DLG2: variants seen among roughly 807,000 people sequenced by gnomAD.
The protein encoded by DLG2 is disks large homolog 2.
A neutral mutation model predicts 132.5 loss-of-function variants in DLG2; 45 were observed. The observed-to-expected ratio is 0.34, with a 90% CI of 0.27 to 0.44. The LOEUF (loss-of-function observed/expected upper bound fraction) is 0.44. DLG2 is among the 20% of genes least tolerant of loss of function. DLG2 has a pLI of 1.00. For missense variants in DLG2, 1,045 were observed against 1,196.9 expected (o/e 0.87, Z 1.87); for synonymous variants, 424 against 419.6 (o/e 1.01, Z -0.13).
intron 15 of DLG2, among the ~76,000 whole-genome samples, chr11:83,893,023 G>A (rs2070430276): frequency 6.6e-6 from 1 of 152,098 alleles, no homozygotes; most frequent in Non-Finnish European, 1.5e-5. Context: ...CGCTCACTGA[G>A]TTCAGTTGAA....
chr11:84,989,042 C>T (rs2056811878), intron 6 of DLG2, among the ~76,000 whole-genome samples: 1 of 151,914 alleles, frequency 6.6e-6, no homozygotes, highest in African/African-American at 2.4e-5. Flanking sequence ...ATTAGAACTC[C>T]ACATATTAGC....
At chr11:84,755,433 G>GT (rs11290517) in intron 6 of DLG2, among the ~76,000 whole-genome samples, 1 of 152,048 alleles carries the variant, frequency 6.6e-6, no homozygotes. Context: ...TTTTTGTTTT[G>GT]TTTTTTTTGA....
At chr11:84,993,930 A>T (rs1592355980) in intron 6 of DLG2, among the ~76,000 whole-genome samples, 2 of 152,132 alleles carry the variant, frequency 1.3e-5, no homozygotes, top group African/African-American at 4.8e-5. Flanking sequence ...TAGTGCCCCC[A>T]TGAAAGGAGC....
At chr11:85,424,148 A>G (rs1017635596) in intron 3 of DLG2, among the ~76,000 whole-genome samples, 1 of 152,180 alleles carries the variant, frequency 6.6e-6, no homozygotes, top group South Asian at 2.1e-4. Flanking sequence ...GCTCCAGGTA[A>G]GGTCAATATC....
intron 3 of DLG2, among the ~76,000 whole-genome samples, chr11:85,335,401 T>G (rs528684679): frequency 6.6e-6 from 1 of 152,188 alleles, no homozygotes; most frequent in Non-Finnish European, 1.5e-5. Context: ...ATTGGGGCAT[T>G]TAGCCCATTT....
chr11:83,486,526 T>C (rs1182707691), intron 21 of DLG2, among the ~76,000 whole-genome samples: 2 of 152,064 alleles, frequency 1.3e-5, no homozygotes, highest in African/African-American at 2.4e-5. Context: ...AATATGAAAA[T>C]GTGTTATCTG....
chr11:83,720,016 G>A (rs1045764046), intron 18 of DLG2, among the ~76,000 whole-genome samples: 2 of 151,846 alleles, frequency 1.3e-5, no homozygotes, highest in Non-Finnish European at 2.9e-5. Flanking sequence ...CTTTCAGCCG[G>A]GCGCAGTGGC....
intron 5 of DLG2, among the ~76,000 whole-genome samples, chr11:85,146,155 C>T (rs928771474): frequency 6.6e-6 from 1 of 151,668 alleles, no homozygotes; most frequent in African/African-American, 2.4e-5. Flanking sequence ...GATTACTGGG[C>T]AGCAGTCTCT....
chr11:85,252,206 CTG>C (rs1442325858), intron 4 of DLG2, among the ~76,000 whole-genome samples: 1 of 152,164 alleles, frequency 6.6e-6, no homozygotes, highest in Non-Finnish European at 1.5e-5. Context: ...GTTTTGCACT[CTG>C]TGATATCAGA....
chr11:85,542,383 C>T (rs1482231189), intron 3 of DLG2, among the ~76,000 whole-genome samples: 1 of 152,106 alleles, frequency 6.6e-6, no homozygotes, highest in Non-Finnish European at 1.5e-5. Flanking sequence ...GATATTATAC[C>T]TATGCATTTG....
chr11:84,733,227 C>T (rs1388276724), intron 6 of DLG2, among the ~76,000 whole-genome samples: 1 of 152,182 alleles, frequency 6.6e-6, no homozygotes, highest in South Asian at 2.1e-4. Flanking sequence ...CTGACTTCCA[C>T]AATGGTTGAA....
chr11:84,042,908 A>G (rs1394554365), intron 11 of DLG2, among the ~76,000 whole-genome samples: 2 of 151,752 alleles, frequency 1.3e-5, no homozygotes, highest in East Asian at 3.9e-4. Context: ...AGGGAGAGCA[A>G]CAGGAAAAAG....
At chr11:84,453,211 TG>T (rs1278072681) in intron 7 of DLG2, among the ~76,000 whole-genome samples, 1 of 151,616 alleles carries the variant, frequency 6.6e-6, no homozygotes, top group African/African-American at 2.4e-5. Flanking sequence ...AAAATAGAAA[TG>T]GTATGTAAAG....
At position 84,391,454 on chromosome 11, in the gene DLG2, C is replaced by A. The variant is rs147814842; in HGVS notation, c.520-140163G>T. Among the ~76,000 whole-genome samples the A allele has an allele frequency of 1.7e-3, 266 of 152,196 alleles. 1 individual carries two copies. The highest frequency in any genetic ancestry group is 2.9e-3 in the Non-Finnish European group (200 of 68,006). ...GTTCTATTTTTACCAATAACCCAAC[C>A]CAAACAAATGGTTTTGATATTTCAT... On this transcript the variant is annotated intron_variant, in intron 7 of 27. Transcript: ENST00000376104.
chr11:84,448,653 G>C (rs542712322), intron 7 of DLG2, among the ~76,000 whole-genome samples: 3 of 151,900 alleles, frequency 2.0e-5, no homozygotes, highest in Non-Finnish European at 4.4e-5. Context: ...AATTTTTCCA[G>C]ATAACCACCA....
In DLG2 at chr11:85,599,308, G is replaced by A. The variant is rs953814922; in HGVS notation, c.-92-520C>T. Among the ~76,000 whole-genome samples, 8 of 151,544 alleles carry A rather than the reference G, an allele frequency of 5.3e-5. No homozygotes were observed. The East Asian group carries it at 9.6e-4, about 18-fold the overall frequency. ...CAGACACCCACATACATACACACAC[G>A]CATGCACGTGCACACTTGCTCTCTC... On this transcript the variant is annotated intron_variant, in intron 2 of 27. Coordinates refer to ENST00000376104, the MANE Select transcript of DLG2 (RefSeq NM_001142699.3).
chr11:85,609,935 T>G (rs551952893), intron 2 of DLG2, among the ~76,000 whole-genome samples: 20 of 152,342 alleles, frequency 1.3e-4, no homozygotes, highest in Non-Finnish European at 2.5e-4. Context: ...CATGCCTTTC[T>G]TGTTATGCCT....
intron 6 of DLG2, among the ~76,000 whole-genome samples, chr11:84,537,596 C>T (rs1423844105): frequency 1.3e-5 from 2 of 152,106 alleles, no homozygotes; most frequent in African/African-American, 4.8e-5. Context: ...TGCAACAGAT[C>T]TCCAGAACTT....
chr11:83,669,471 T>C (rs1051837630), intron 18 of DLG2, among the ~76,000 whole-genome samples: 4 of 152,166 alleles, frequency 2.6e-5, no homozygotes, highest in Non-Finnish European at 4.4e-5. Flanking sequence ...ACATATATTA[T>C]AGATATGCAA....
Sources: gnomAD v4.1 joint callset for allele counts (sites outside exome capture counted in the v4.1 genomes callset) on GRCh38, gnomAD v4.1.1 for gene constraint, MANE v1.5 for transcripts, NCBI Gene and HGNC (gene_info 2026-07-23, HGNC 2026-07-21) for gene names.